Variants in SLC49A4 observed in about 807,000 individuals in gnomAD.
SLC49A4 encodes the protein disrupted in renal cancer protein 2.
SLC49A4 carries 36 observed loss-of-function variants against 50.6 expected under a neutral mutation model. That is an observed-to-expected ratio of 0.71 (90% CI 0.55 to 0.94). SLC49A4 has a LOEUF of 0.94. SLC49A4 is among the 40% of genes least tolerant of loss of function. The probability of loss-of-function intolerance (pLI) is 0.00; values close to 1 mark genes in which losing one functional copy is unlikely to be tolerated. For missense variants in SLC49A4, 503 were observed against 605.7 expected, an observed-to-expected ratio of 0.83 and a Z score of 1.78; for synonymous variants, 248 against 241.2, an observed-to-expected ratio of 1.03 and a Z score of -0.26.
rs1935998369 is a variant in SLC49A4, at chr3:122,795,252, G to C, written c.60G>C (p.Gly20=). ...ERQPLLGPGL[G]PGLGASWRSR... ...AGCCGCTGCTGGGGCCCGGGCTCGG[G>C]CCTGGGCTGGGGGCCTCCTGGAGAA... The change falls in exon 1 of 9, where the codon GGG becomes GGC. Residue 20 remains glycine, a synonymous_variant. Coordinates refer to ENST00000261038, the MANE Select transcript of SLC49A4 (RefSeq NM_032839.3). The C allele has an allele frequency of 7.2e-7, 1 of 1,379,768 alleles. No individual in the cohort carries two copies. 85.5% of individuals were successfully genotyped at this position (1,379,768 alleles called of 1,614,324 possible). A position where few individuals can be genotyped will look rare whatever the true frequency, so the allele number is the denominator to read the frequency against.
At position 122,824,684 on chromosome 3, in the gene SLC49A4, C is replaced by CCCTCCCTT. The variant is rs1367935098; in HGVS notation, c.438-2112_438-2105dup. On this transcript the variant is annotated intron_variant, in intron 2 of 8. Transcript: ENST00000261038. ...CTCGTCTTTCCTTCCTTCCTTCCCTCCCTCCCTTCCTTTCTTCCTTTCCTT... is the reference window on the plus strand; with the variant it reads ...CTCGTCTTTCCTTCCTTCCTTCCCTCCCTCCCTTCCTCCCTTCCTTTCTTCCTTTCCTT... 1.3e-3 allele frequency among the ~76,000 whole-genome samples: 193 copies of CCCTCCCTT among 147,252 alleles called. 1 individual carries two copies. The highest frequency in any genetic ancestry group is 4.7e-3 in the African/African-American group (186 of 39,984).
intron 1 of SLC49A4, among the ~76,000 whole-genome samples, chr3:122,796,993 A>C (rs1342423688): frequency 6.6e-6 from 1 of 152,228 alleles, no homozygotes; most frequent in African/African-American, 2.4e-5. Context: ...TGTAGTTAGC[A>C]CTCAAAATTA....
At chr3:122,811,744 A>G (rs569597292) in intron 2 of SLC49A4, among the ~76,000 whole-genome samples, 91 of 152,288 alleles carry the variant, frequency 6.0e-4, no homozygotes, top group African/African-American at 1.8e-3. Flanking sequence ...TAAAAGTCCT[A>G]TAAGTGCTAA....
At position 122,806,876 on chromosome 3, in the gene SLC49A4, C is replaced by T; in HGVS notation, c.363C>T (p.Leu121=). ...LDKRGLRITV[L]LTSFLMVLGT... ...TTTTAGGTCTCCGGATAACTGTGCT[C>T]CTGACATCCTTCCTTATGGTTTTGG... The change falls in exon 2 of 9, where the codon CTC becomes CTT. Residue 121 remains leucine, a synonymous_variant. Coordinates refer to ENST00000261038, the MANE Select transcript of SLC49A4 (RefSeq NM_032839.3). The T allele has an allele frequency of 6.2e-7, 1 of 1,608,566 alleles. No individual in the cohort carries two copies.
intron 7 of SLC49A4, among the ~76,000 whole-genome samples, chr3:122,866,430 A>G (rs905192624): frequency 3.3e-5 from 5 of 152,254 alleles, no homozygotes; most frequent in Admixed American, 3.3e-4. Context: ...TTTAGGCATC[A>G]TCTAATATAA....
chr3:122,864,526 A>C (rs544292625), intron 7 of SLC49A4, among the ~76,000 whole-genome samples: 15 of 152,324 alleles, frequency 9.8e-5, no homozygotes, highest in African/African-American at 3.6e-4. Flanking sequence ...GTTTGACAGA[A>C]GTTGCCTTGG....
intron 4 of SLC49A4, among the ~76,000 whole-genome samples, chr3:122,841,204 T>C (rs1936764883): frequency 6.6e-6 from 1 of 152,248 alleles, no homozygotes; most frequent in Non-Finnish European, 1.5e-5. Context: ...CTAAAATGTC[T>C]TTTAATATTA....
chr3:122,845,586 T>C (rs1453405688), intron 4 of SLC49A4, among the ~76,000 whole-genome samples, 177 bp from the exon 5 acceptor site: 3 of 151,120 alleles, frequency 2.0e-5, no homozygotes, highest in Admixed American at 1.3e-4. Context: ...CGTTTCCTTT[T>C]CTCTGCTACC....
In SLC49A4 at chr3:122,872,029, A is replaced by G. The variant is rs893761896; in HGVS notation, c.1139-386A>G. On this transcript the variant is annotated intron_variant, in intron 7 of 8. Transcript: ENST00000261038. The stretch of plus-strand genomic sequence containing the variant: ...TCTCTTTAAATATGTAATTTTCAGT[A>G]ACATTTAATGTTTCTGACATTTATT... 2.0e-5 allele frequency among the ~76,000 whole-genome samples: 3 copies of G among 152,320 alleles called. No homozygotes were observed. In the East Asian group the frequency reaches 5.8e-4, roughly 29 times the overall value.
chr3:122,845,683 A>G, intron 4 of SLC49A4, 80 bp from the exon 5 acceptor site: 2 of 615,006 alleles, frequency 3.3e-6, no homozygotes, highest in Non-Finnish European at 4.9e-6. Context: ...CCAGTTTCCA[A>G]ATGACATACA....
chr3:122,802,216 G>A (rs1166570987), intron 1 of SLC49A4, among the ~76,000 whole-genome samples: 2 of 152,092 alleles, frequency 1.3e-5, no homozygotes, highest in Non-Finnish European at 2.9e-5. Flanking sequence ...AACATTGGGC[G>A]ACAGGCAGGG....
At chr3:122,808,007 TG>T in intron 2 of SLC49A4, among the ~76,000 whole-genome samples, 1 of 152,294 alleles carries the variant, frequency 6.6e-6, no homozygotes, top group Non-Finnish European at 1.5e-5. Flanking sequence ...AAAGATACAG[TG>T]GGACCCCAAG....
At chr3:122,874,386 T>G (rs1447214548) in intron 8 of SLC49A4, among the ~76,000 whole-genome samples, 1 of 152,228 alleles carries the variant, frequency 6.6e-6, no homozygotes, top group Non-Finnish European at 1.5e-5. Context: ...AAGCAGATAT[T>G]TTATTTCTTT....
chr3:122,823,636 ATTATT>A (rs1243692626), intron 2 of SLC49A4, among the ~76,000 whole-genome samples: 1 of 152,154 alleles, frequency 6.6e-6, no homozygotes, highest in Non-Finnish European at 1.5e-5. Context: ...CCATTTTATA[ATTATT>A]TTATTTCCTT....
chr3:122,864,980 C>A (rs532042961), intron 7 of SLC49A4, among the ~76,000 whole-genome samples: 1 of 152,114 alleles, frequency 6.6e-6, no homozygotes, highest in African/African-American at 2.4e-5. Flanking sequence ...TGCACTCCAA[C>A]GTGGATGACA....
At chr3:122,856,442 C>T (rs115393196) in intron 6 of SLC49A4, 68 bp downstream of exon 6, 16,451 of 1,353,710 alleles carry the variant, frequency 0.012, 170 homozygotes, top group Middle Eastern at 0.041. Context: ...TAAATAGGCT[C>T]CCCTAAATAA....
intron 5 of SLC49A4, among the ~76,000 whole-genome samples, chr3:122,849,007 T>A (rs1230162705): frequency 1.3e-5 from 2 of 152,232 alleles, no homozygotes; most frequent in Non-Finnish European, 2.9e-5. Context: ...TTCTACATTC[T>A]GCTTCCCTGA....
chr3:122,829,178 G>C (rs1420437647), intron 3 of SLC49A4, among the ~76,000 whole-genome samples: 1 of 152,156 alleles, frequency 6.6e-6, no homozygotes, highest in Non-Finnish European at 1.5e-5. Context: ...CAAAAGTCCT[G>C]AACAAAATAC....
chr3:122,849,438 C>T (rs1936897402), intron 5 of SLC49A4, among the ~76,000 whole-genome samples: 1 of 152,156 alleles, frequency 6.6e-6, no homozygotes, highest in Non-Finnish European at 1.5e-5. Flanking sequence ...CTTTAATTTC[C>T]ACCAGCAGTG....
Sources: allele counts gnomAD v4.1 joint callset (sites outside exome capture counted in the v4.1 genomes callset), GRCh38; gene constraint gnomAD v4.1.1; transcripts MANE v1.5; gene names NCBI Gene and HGNC (gene_info 2026-07-23, HGNC 2026-07-21).